Variants in LNX1 observed in about 807,000 individuals in gnomAD.
The protein encoded by LNX1 is ligand of numb-protein X 1.
LNX1 carries 54 observed loss-of-function variants against 68.4 expected under a neutral mutation model. The ratio of observed to expected loss-of-function variants is 0.79; its 90% CI spans 0.63 to 0.99. LNX1 has a LOEUF of 0.99. Ranked by LOEUF, LNX1 falls within the 50% of genes least tolerant of loss-of-function variation. LNX1 has a pLI of 0.00. For missense variants in LNX1, 906 were observed against 926.4 expected, an observed-to-expected ratio of 0.98 and a Z score of 0.29; for synonymous variants, 336 against 350.0, an observed-to-expected ratio of 0.96 and a Z score of 0.45.
chr4:53,634,320 T>A (rs889824109), intron 1 of LNX1, among the ~76,000 whole-genome samples: 23 of 151,812 alleles, frequency 1.5e-4, no homozygotes, highest in Admixed American at 1.4e-3. Context: ...CTCAGCTCAT[T>A]GCACCCTCCA....
At chr4:53,466,568 C>G (rs1364914836) in intron 9 of LNX1, among the ~76,000 whole-genome samples, 3 of 152,194 alleles carry the variant, frequency 2.0e-5, no homozygotes, top group Non-Finnish European at 4.4e-5. Context: ...CACAAGGGAT[C>G]AGGGAATTCC....
At chr4:53,641,344 G>A (rs1277831276) in intron 1 of LNX1, among the ~76,000 whole-genome samples, 2 of 152,278 alleles carry the variant, frequency 1.3e-5, no homozygotes, top group African/African-American at 2.4e-5. Flanking sequence ...GAGAAAGTGA[G>A]AGGGTGCCAC....
At chr4:53,565,520 A>G (rs1363484186) in intron 2 of LNX1, among the ~76,000 whole-genome samples, 1 of 151,390 alleles carries the variant, frequency 6.6e-6, no homozygotes, top group Non-Finnish European at 1.5e-5. Context: ...TCAAAGACCA[A>G]AAGTAGATAA....
intron 1 of LNX1, chr4:53,576,430 C>T: frequency 6.9e-7 from 1 of 1,454,046 alleles, no homozygotes. Flanking sequence ...CTTGGACAGG[C>T]ACCTCAGATG....
At chr4:53,550,987 G>GC (rs1729460601) in intron 2 of LNX1, among the ~76,000 whole-genome samples, 1 of 152,168 alleles carries the variant, frequency 6.6e-6, no homozygotes, top group Non-Finnish European at 1.5e-5. Flanking sequence ...GGGCCTGTGA[G>GC]CCCCAAAATG....
chr4:53,576,505 C>A, intron 1 of LNX1: 1 of 1,187,958 alleles, frequency 8.4e-7, no homozygotes. Flanking sequence ...GGCTCTTCAT[C>A]CAGGTGCTTT....
intron 6 of LNX1, among the ~76,000 whole-genome samples, chr4:53,490,689 AG>A (rs1442469254): frequency 6.6e-6 from 1 of 152,198 alleles, no homozygotes; most frequent in Admixed American, 6.5e-5. Context: ...TTTCTTTGTA[AG>A]GCAAATGTGA....
chr4:53,633,510 G>A (rs371453566), intron 1 of LNX1, among the ~76,000 whole-genome samples: 14 of 152,156 alleles, frequency 9.2e-5, no homozygotes, highest in Admixed American at 5.9e-4. Context: ...TCCTTGTTCC[G>A]TGGGCTATGG....
intron 1 of LNX1, among the ~76,000 whole-genome samples, chr4:53,631,392 C>T (rs2668529): frequency 0.76 from 115,687 of 152,124 alleles, 44,331 homozygotes; most frequent in East Asian, 0.91. Flanking sequence ...CCTGAAGAAA[C>T]AAATGATTCC....
intron 2 of LNX1, among the ~76,000 whole-genome samples, chr4:53,559,795 G>A (rs1234344644): frequency 2.0e-5 from 3 of 149,832 alleles, no homozygotes; most frequent in South Asian, 2.1e-4. Context: ...CTACAGGTGC[G>A]TGCCGCCATG....
At chr4:53,601,098 GGA>G (rs1207125631) in intron 2 of LNX1, among the ~76,000 whole-genome samples, 1 of 142,908 alleles carries the variant, frequency 7.0e-6, no homozygotes, top group Non-Finnish European at 1.5e-5. Flanking sequence ...AGAAAGGGAG[GGA>G]GGGAGGGGGG....
Position 53,558,082 on chromosome 4 carries a change from G to T in LNX1, c.380+15541C>A, listed in dbSNP as rs1439241817. 3 of 1,503,374 alleles carry T rather than the reference G, an allele frequency of 2.0e-6. No homozygotes were observed. In the African/African-American group the frequency reaches 4.2e-5, roughly 21 times the overall value. The allele number at this position is 1,503,374 out of a possible 1,614,324, so 93.1% of individuals were successfully genotyped here. A position where few individuals can be genotyped will look rare whatever the true frequency, so the allele number is the denominator to read the frequency against. ...GCCCCCACAATCAGTAGATCACAAA[G>T]AATTTGACTGAGAACCTTCAGATTA... On this transcript the variant is annotated intron_variant, in intron 2 of 10. Transcript: ENST00000263925.
intron 9 of LNX1, among the ~76,000 whole-genome samples, chr4:53,467,715 G>A (rs1457062209): frequency 1.3e-5 from 2 of 152,216 alleles, no homozygotes; most frequent in Non-Finnish European, 2.9e-5. Flanking sequence ...AGTAGCCGAT[G>A]CGATCAACTG....
At chr4:53,477,095 G>T in intron 8 of LNX1, 114 bp from the exon 9 acceptor site, 2 of 884,574 alleles carry the variant, frequency 2.3e-6, no homozygotes, top group Admixed American at 3.9e-5. Flanking sequence ...AGAGGGCAAA[G>T]GTTTTCTTTG....
At chr4:53,566,620 A>G (rs1028703494) in intron 2 of LNX1, among the ~76,000 whole-genome samples, 7 of 151,992 alleles carry the variant, frequency 4.6e-5, no homozygotes, top group Non-Finnish European at 1.0e-4. Context: ...CTAACATCAT[A>G]ATGACAGGAT....
chr4:53,648,680 G>C (rs1034657840), intron 1 of LNX1, among the ~76,000 whole-genome samples: 9 of 152,156 alleles, frequency 5.9e-5, no homozygotes, highest in African/African-American at 2.2e-4. Flanking sequence ...TGTGGGGGAA[G>C]GAGAACTGCC....
At chr4:53,596,489 T>A (rs937232404) in intron 2 of LNX1, among the ~76,000 whole-genome samples, 2 of 152,222 alleles carry the variant, frequency 1.3e-5, no homozygotes, top group Non-Finnish European at 2.9e-5. Flanking sequence ...GTTACTGTGT[T>A]TATAATGGTC....
At chr4:53,571,335 A>G (rs1731153924) in intron 2 of LNX1, among the ~76,000 whole-genome samples, 1 of 152,012 alleles carries the variant, frequency 6.6e-6, no homozygotes, top group South Asian at 2.1e-4. Flanking sequence ...AAGAATCTTG[A>G]GATGAAGGAG....
chr4:53,557,600 G>A (rs1023395337), intron 2 of LNX1, among the ~76,000 whole-genome samples: 9 of 151,236 alleles, frequency 6.0e-5, no homozygotes, highest in African/African-American at 2.2e-4. Flanking sequence ...CATCTATTGA[G>A]GAAAAAGAGT....
Sources: gnomAD v4.1 joint callset for allele counts (sites outside exome capture counted in the v4.1 genomes callset) on GRCh38, gnomAD v4.1.1 for gene constraint, MANE v1.5 for transcripts, NCBI Gene and HGNC (gene_info 2026-07-23, HGNC 2026-07-21) for gene names.